Variants in ZNF793 observed in about 807,000 individuals in gnomAD.
ZNF793 encodes zinc finger protein 793.
A neutral mutation model predicts 12.4 loss-of-function variants in ZNF793; 5 were observed. That is an observed-to-expected ratio of 0.40 (90% CI 0.21 to 0.84). ZNF793 has a LOEUF of 0.84. Among genes scored for constraint, ZNF793 ranks in the 40% least tolerant of loss-of-function variants. The pLI is 0.35. For missense variants in ZNF793, 456 were observed against 495.0 expected (o/e 0.92, Z 0.75); for synonymous variants, 162 against 172.4 (o/e 0.94, Z 0.47).
At chr19:37,521,343 G>A (rs927437436) in intron 3 of ZNF793, among the ~76,000 whole-genome samples, 1 of 149,342 alleles carries the variant, frequency 6.7e-6, no homozygotes, top group African/African-American at 2.5e-5. Flanking sequence ...GGCTGGTCTC[G>A]AACTTACGAC....
At position 37,531,847 on chromosome 19, in the gene ZNF793, A is replaced by G. The variant is rs904382276; in HGVS notation, c.16-509A>G. On this transcript the variant is annotated intron_variant, in intron 5 of 7. Transcript: ENST00000627814. ...CCCCAGCAACACACAGTGGGTCTTC[A>G]ATGTTTGTTGACTCAAAGTATGGAT... Among the ~76,000 whole-genome samples the G allele has an allele frequency of 3.3e-5, 5 of 152,158 alleles. No homozygotes were observed. In the East Asian group the frequency reaches 9.6e-4, roughly 29 times the overall value.
intron 5 of ZNF793, among the ~76,000 whole-genome samples, chr19:37,529,684 G>A (rs1476180215): frequency 3.3e-5 from 5 of 152,096 alleles, no homozygotes; most frequent in Non-Finnish European, 4.4e-5. Flanking sequence ...GTAGAGGTAG[G>A]ATTTTGCCAT....
intron 5 of ZNF793, among the ~76,000 whole-genome samples, chr19:37,524,255 C>G (rs904448121): frequency 6.6e-6 from 1 of 151,762 alleles, no homozygotes; most frequent in African/African-American, 2.4e-5. Flanking sequence ...TGGCAAGATA[C>G]TTAACACATA....
intron 5 of ZNF793, among the ~76,000 whole-genome samples, chr19:37,528,298 C>T (rs775625868): frequency 2.3e-4 from 35 of 152,092 alleles, no homozygotes; most frequent in Non-Finnish European, 4.6e-4. Context: ...GCCTTGCCAA[C>T]CAGGAAAGTG....
Position 37,537,042 on chromosome 19 carries a change from T to C in ZNF793, c.384T>C (p.Asp128=), listed in dbSNP as rs1265874655. Residue 128 remains aspartate, a synonymous_variant, in exon 8 of 8, where the codon GAT becomes GAC. Coordinates refer to ENST00000627814, the MANE Select transcript of ZNF793 (RefSeq NM_001013659.3). ...KFGKISLLST[D]LFSSIQSPSN... ...GGAAAATATCACTTCTGAGCACTGA[T>C]CTTTTTTCTTCAATCCAGAGCCCTA... 1 of 1,613,964 alleles carries C rather than the reference T, an allele frequency of 6.2e-7. No individual in the cohort carries two copies. Among genetic ancestry groups the C allele is most frequent in the South Asian group, 1.1e-5 (1 of 91,072 alleles).
At chr19:37,509,612 G>A (rs1288185636) in intron 2 of ZNF793, among the ~76,000 whole-genome samples, 1 of 142,878 alleles carries the variant, frequency 7.0e-6, no homozygotes, top group Non-Finnish European at 1.5e-5. Flanking sequence ...CTTAGCATGG[G>A]TGAAATAATA....
chr19:37,525,047 C>T (rs1196784786), intron 5 of ZNF793, among the ~76,000 whole-genome samples: 1 of 152,100 alleles, frequency 6.6e-6, no homozygotes, highest in East Asian at 1.9e-4. Flanking sequence ...CCTAACTCTT[C>T]TGTTGCTTGC....
chr19:37,537,441 G>GAA lies in ZNF793; in HGVS notation c.785_786dup (p.Ala263LysfsTer19). ...AGCCTTATGGCTGCACTGACTGTGG[G>GAA]AAAGCCTTTTCACATAAGTCAACCC... is the stretch of plus-strand genomic sequence containing the variant. On this transcript the variant is annotated frameshift_variant, in exon 8 of 8. Transcript: ENST00000627814. LOFTEE classifies it low-confidence loss of function (END_TRUNC). 1 of 1,613,614 alleles carries GAA rather than the reference G, an allele frequency of 6.2e-7. No homozygotes were observed. Among genetic ancestry groups the GAA allele is most frequent in the Non-Finnish European group, 8.5e-7 (1 of 1,179,684 alleles).
In ZNF793 at chr19:37,538,158, G is replaced by A. The variant is rs1038589818; in HGVS notation, c.*279G>A. The A allele has an allele frequency of 9.6e-5, 29 of 300,896 alleles. No homozygotes were observed. Among genetic ancestry groups the A allele is most frequent in the African/African-American group, 4.4e-4 (20 of 45,908 alleles). 18.6% of individuals were successfully genotyped at this position (300,896 alleles called of 1,614,324 possible). On this transcript the variant is annotated 3_prime_UTR_variant, in exon 8 of 8. Transcript: ENST00000627814. ...TCTCGATCTCCTGACCTTGTGATCTGCCCGCCTTGTCCTCCCAAAGTGCTG... is the reference window on the plus strand; with the variant it reads ...TCTCGATCTCCTGACCTTGTGATCTACCCGCCTTGTCCTCCCAAAGTGCTG...
chr19:37,516,940 C>G (rs932164601), intron 2 of ZNF793, among the ~76,000 whole-genome samples: 6 of 152,154 alleles, frequency 3.9e-5, no homozygotes, highest in African/African-American at 1.4e-4. Context: ...GCCACTGTGC[C>G]CGGCCTGAGA....
intron 5 of ZNF793, among the ~76,000 whole-genome samples, chr19:37,523,909 G>A (rs1011548585): frequency 6.6e-6 from 1 of 152,100 alleles, no homozygotes; most frequent in Non-Finnish European, 1.5e-5. Flanking sequence ...CGGCACTTTG[G>A]GAGGCCAAGG....
At chr19:37,511,210 T>G (rs1018642720) in intron 2 of ZNF793, among the ~76,000 whole-genome samples, 2 of 152,180 alleles carry the variant, frequency 1.3e-5, no homozygotes, top group African/African-American at 4.8e-5. Flanking sequence ...GGATTACTTT[T>G]GCATGCTTTT....
intron 3 of ZNF793, among the ~76,000 whole-genome samples, chr19:37,520,534 C>G (rs934036704): frequency 1.3e-5 from 2 of 152,182 alleles, no homozygotes; most frequent in African/African-American, 4.8e-5. Context: ...TTTCCAGGGA[C>G]TCTCCATGGC....
chr19:37,510,043 CAG>C (rs1221092529), intron 2 of ZNF793, among the ~76,000 whole-genome samples: 1 of 152,028 alleles, frequency 6.6e-6, no homozygotes. Flanking sequence ...ATTTATATAA[CAG>C]ATACTTTTCC....
chr19:37,518,630 CAA>C (rs61641247), intron 2 of ZNF793, among the ~76,000 whole-genome samples: 2,228 of 84,378 alleles, frequency 0.026, 40 homozygotes, highest in African/African-American at 0.061. Context: ...CCTGTCTCTA[CAA>C]AAAAAAAAAA....
At chr19:37,507,932 T>C (rs2042263653) in intron 1 of ZNF793, among the ~76,000 whole-genome samples, 1 of 152,186 alleles carries the variant, frequency 6.6e-6, no homozygotes, top group Non-Finnish European at 1.5e-5. Flanking sequence ...TATGCGTGTC[T>C]GATTAGGAGA....
intron 2 of ZNF793, among the ~76,000 whole-genome samples, chr19:37,511,038 T>A (rs2042291254): frequency 6.6e-6 from 1 of 152,146 alleles, no homozygotes. Context: ...ACACATGTAG[T>A]GAAGTGGGCT....
At chr19:37,506,716 C>T (rs1376305321), upstream of ZNF793, 1 of 152,226 alleles carries the variant, frequency 6.6e-6, no homozygotes, top group Non-Finnish European at 1.5e-5. Flanking sequence ...AGGGACACTT[C>T]CTTCTCCTTG....
At chr19:37,513,733 A>G (rs1034113369) in intron 2 of ZNF793, among the ~76,000 whole-genome samples, 6 of 152,254 alleles carry the variant, frequency 3.9e-5, no homozygotes, top group African/African-American at 1.4e-4. Context: ...TATGTGCTGT[A>G]AAACCTAACT....
Sources: allele counts gnomAD v4.1 joint callset (sites outside exome capture counted in the v4.1 genomes callset), GRCh38; gene constraint gnomAD v4.1.1; transcripts MANE v1.5; gene names NCBI Gene and HGNC (gene_info 2026-07-23, HGNC 2026-07-21).